The following PDE3B variants were observed in gnomAD, a reference collection of about 807,000 sequenced individuals.
The protein encoded by PDE3B is cGMP-inhibited 3',5'-cyclic phosphodiesterase 3B.
Under a neutral mutation model 116.8 loss-of-function variants are expected in PDE3B, and 66 were observed. That is an observed-to-expected ratio of 0.56 (90% CI 0.46 to 0.69). PDE3B has a LOEUF of 0.69. Ranked by LOEUF, PDE3B falls within the 30% of genes least tolerant of loss-of-function variation. The pLI is 0.00. For missense variants in PDE3B, 1,384 were observed against 1,368.1 expected (o/e 1.01, Z -0.18); for synonymous variants, 595 against 533.6 (o/e 1.12, Z -1.59).
At chr11:14,684,704 A>G (rs2133798505) in intron 1 of PDE3B, among the ~76,000 whole-genome samples, 1 of 152,294 alleles carries the variant, frequency 6.6e-6, no homozygotes, top group Non-Finnish European at 1.5e-5. Context: ...AGCAGCGTTT[A>G]TAGACCTCCC....
chr11:14,663,121 T>C (rs1314647312), intron 1 of PDE3B, among the ~76,000 whole-genome samples: 3 of 151,680 alleles, frequency 2.0e-5, no homozygotes, highest in Non-Finnish European at 2.9e-5. Flanking sequence ...CAGCAGAAAC[T>C]CTACAAGCCA....
intron 1 of PDE3B, among the ~76,000 whole-genome samples, chr11:14,677,555 G>C (rs1205813211): frequency 6.6e-6 from 1 of 151,910 alleles, no homozygotes; most frequent in Non-Finnish European, 1.5e-5. Context: ...AATTAACAGA[G>C]TAAAATAGAT....
At chr11:14,818,650 G>A (rs1452301957) in intron 6 of PDE3B, among the ~76,000 whole-genome samples, 1 of 151,732 alleles carries the variant, frequency 6.6e-6, no homozygotes, top group African/African-American at 2.4e-5. Flanking sequence ...CTAGTTCTAT[G>A]TTATAACTAG....
chr11:14,696,886 G>C (rs1855221809), intron 1 of PDE3B, among the ~76,000 whole-genome samples: 2 of 152,144 alleles, frequency 1.3e-5, no homozygotes, highest in Middle Eastern at 6.8e-3. Context: ...TTGCCTACAG[G>C]AAGATCACAA....
intron 1 of PDE3B, among the ~76,000 whole-genome samples, chr11:14,688,744 C>T (rs1429181701): frequency 6.6e-6 from 1 of 151,994 alleles, no homozygotes; most frequent in Non-Finnish European, 1.5e-5. Flanking sequence ...CTATGTGGCT[C>T]ATCAGCCACA....
intron 7 of PDE3B, among the ~76,000 whole-genome samples, chr11:14,820,762 G>A (rs1406055531): frequency 2.0e-5 from 3 of 152,084 alleles, no homozygotes; most frequent in Non-Finnish European, 4.4e-5. Context: ...CTTTCCCACC[G>A]TGTGAGGATA....
chr11:14,685,245 C>A (rs1219009517), intron 1 of PDE3B, among the ~76,000 whole-genome samples: 1 of 151,908 alleles, frequency 6.6e-6, no homozygotes, highest in Admixed American at 6.6e-5. Flanking sequence ...GTTCCTCTGC[C>A]GCAGCTCCAG....
At chr11:14,887,499 C>T in the PDE3B span, 1 of 764,860 alleles carries the variant, frequency 1.3e-6, no homozygotes, top group Non-Finnish European at 1.6e-6. Context: ...CCTTAAACTG[C>T]TTTGATCTAT....
At chr11:14,761,170 T>G (rs1044865834) in intron 1 of PDE3B, among the ~76,000 whole-genome samples, 1 of 152,166 alleles carries the variant, frequency 6.6e-6, no homozygotes, top group African/African-American at 2.4e-5. Flanking sequence ...GAATTAAAAA[T>G]AGAAGTCTTT....
intron 1 of PDE3B, among the ~76,000 whole-genome samples, chr11:14,673,159 A>C (rs1854423696): frequency 6.6e-6 from 1 of 152,012 alleles, no homozygotes; most frequent in South Asian, 2.1e-4. Context: ...TCTTTACTTT[A>C]AGCACCATAA....
At chr11:14,794,309 TTTTTC>T (rs1443108903) in intron 4 of PDE3B, among the ~76,000 whole-genome samples, 16 of 135,220 alleles carry the variant, frequency 1.2e-4, no homozygotes, top group Non-Finnish European at 2.0e-4. Context: ...CAATTATTTC[TTTTTC>T]TTTTCTTTTT....
chr11:14,647,842 G>T (rs1853453985), intron 1 of PDE3B, among the ~76,000 whole-genome samples: 1 of 151,006 alleles, frequency 6.6e-6, no homozygotes, highest in African/African-American at 2.4e-5. Context: ...ATAATGGCAT[G>T]TTTGTAAAAC....
chr11:14,685,605 A>G (rs1854851184), intron 1 of PDE3B, among the ~76,000 whole-genome samples: 3 of 151,410 alleles, frequency 2.0e-5, no homozygotes, highest in African/African-American at 4.9e-5. Context: ...ACAGACGTGC[A>G]CCACCATGCC....
Position 14,644,232 on chromosome 11 carries a change from C to A in PDE3B, c.157C>A (p.Arg53Ser), listed in dbSNP as rs555533276. 8.8e-6 allele frequency: 14 copies of A among 1,587,028 alleles called. No homozygotes were observed. Among genetic ancestry groups the A allele is most frequent in the Non-Finnish European group, 1.2e-5 (14 of 1,173,582 alleles). ...PPRGFFFHLC[R>S]FCNVELRPPP... Reference sequence around the variant, plus strand: ...GCGCGGCTTCTTCTTCCACCTCTGCCGCTTCTGCAACGTGGAGCTGCGGCC... The same window carrying A: ...GCGCGGCTTCTTCTTCCACCTCTGCAGCTTCTGCAACGTGGAGCTGCGGCC... The change falls in exon 1 of 16, where the codon CGC becomes AGC. Residue 53 changes from arginine (R) to serine (S), a missense_variant. Arg to Ser is a moderately radical substitution (Grantham distance 110). Coordinates refer to ENST00000282096, the MANE Select transcript of PDE3B (RefSeq NM_000922.4).
At chr11:14,796,740 G>A (rs1858568672) in intron 4 of PDE3B, among the ~76,000 whole-genome samples, 1 of 152,170 alleles carries the variant, frequency 6.6e-6, no homozygotes, top group Non-Finnish European at 1.5e-5. Flanking sequence ...ATTTGTTTAA[G>A]TTCTTTGTAG....
chr11:14,883,980 G>C, the PDE3B span, among the ~76,000 whole-genome samples: 2 of 152,030 alleles, frequency 1.3e-5, no homozygotes, highest in Admixed American at 6.5e-5. Context: ...ACCATAATGA[G>C]ATACCATCTC....
intron 12 of PDE3B, among the ~76,000 whole-genome samples, chr11:14,846,374 A>C (rs1480064116): frequency 6.6e-6 from 1 of 152,214 alleles, no homozygotes; most frequent in Non-Finnish European, 1.5e-5. Flanking sequence ...GGTACCAGCC[A>C]CTGCAAAATC....
At chr11:14,754,553 T>G (rs1436908029) in intron 1 of PDE3B, among the ~76,000 whole-genome samples, 2 of 152,182 alleles carry the variant, frequency 1.3e-5, no homozygotes, top group African/African-American at 4.8e-5. Flanking sequence ...GAGCATGCAT[T>G]CCTCAATTTA....
intron 1 of PDE3B, among the ~76,000 whole-genome samples, chr11:14,752,652 C>T (rs1194873653): frequency 1.3e-5 from 2 of 152,014 alleles, no homozygotes; most frequent in African/African-American, 4.8e-5. Flanking sequence ...TTGAATATAT[C>T]TAGACTTTTT....
Sources: allele counts gnomAD v4.1 joint callset (sites outside exome capture counted in the v4.1 genomes callset), GRCh38; gene constraint gnomAD v4.1.1; transcripts MANE v1.5; gene names NCBI Gene and HGNC (gene_info 2026-07-23, HGNC 2026-07-21).